DHX34: variants seen among roughly 807,000 people sequenced by gnomAD.
DHX34 encodes probable ATP-dependent RNA helicase DHX34.
In DHX34, 96 loss-of-function variants were observed where a neutral mutation model predicts 111.1. The ratio of observed to expected loss-of-function variants is 0.86; its 90% CI spans 0.73 to 1.02. The LOEUF is 1.02. DHX34 is among the 50% of genes least tolerant of loss of function. The probability of loss-of-function intolerance (pLI) is 0.00; values close to 1 mark genes in which losing one functional copy is unlikely to be tolerated. For synonymous variants in DHX34, 688 were observed against 670.4 expected (o/e 1.03, Z -0.41); for missense variants, 1,560 against 1,579.9 (o/e 0.99, Z 0.21).
At chr19:47,375,326 A>G in intron 9 of DHX34, 140 bp from the exon 10 acceptor site, 2 of 1,406,942 alleles carry the variant, frequency 1.4e-6, no homozygotes, top group Non-Finnish European at 9.2e-7. Flanking sequence ...GCAGCGATCC[A>G]TGCCCAGCAC....
intron 6 of DHX34, among the ~76,000 whole-genome samples, chr19:47,365,913 A>G (rs1337923486): frequency 6.6e-6 from 1 of 152,168 alleles, no homozygotes; most frequent in Non-Finnish European, 1.5e-5. Context: ...AACTGAAACT[A>G]TTGTAGGCAG....
chr19:47,364,928 C>T (rs954935580), intron 6 of DHX34, among the ~76,000 whole-genome samples: 4 of 152,152 alleles, frequency 2.6e-5, no homozygotes, highest in African/African-American at 9.7e-5. Flanking sequence ...CAGTGGGCGT[C>T]ACCTCCTCCT....
At position 47,372,825 on chromosome 19, in the gene DHX34, G is replaced by A. The variant is rs146830596; in HGVS notation, c.1864G>A (p.Ala622Thr). ...CGTCCAGTCGCCCTTCACCCGCAGCGCCCAGAGCAGCCCAGAGTGCGCGGC... is the reference window on the plus strand; with the variant it reads ...CGTCCAGTCGCCCTTCACCCGCAGCACCCAGAGCAGCCCAGAGTGCGCGGC... ...LSVQSPFTRS[A>T]QSSPECAAAR... The change falls in exon 8 of 17, where the codon GCC (alanine) becomes ACC (threonine). Residue 622 changes from alanine (A) to threonine (T), a missense_variant. Transcript: ENST00000328771. The A allele has an allele frequency of 2.2e-5, 36 of 1,612,706 alleles. No individual in the cohort carries two copies. Among genetic ancestry groups the A allele is most frequent in the African/African-American group, 1.6e-4 (12 of 74,932 alleles).
intron 1 of DHX34, among the ~76,000 whole-genome samples, chr19:47,349,962 G>C (rs2341878): frequency 0.11 from 16,150 of 152,096 alleles, 1,274 homozygotes; most frequent in African/African-American, 0.22. Context: ...AGTGGCTCAT[G>C]TAACACTCGG....
chr19:47,377,129 C>G lies in DHX34; in HGVS notation c.2629C>G (p.Gln877Glu). The change falls in exon 13 of 17, where the codon CAG becomes GAG. Residue 877 changes from glutamine (Q) to glutamate (E), a missense_variant. By Grantham distance (29) the Gln-to-Glu change is conservative (BLOSUM62 2). Transcript: ENST00000328771. ...DDKDKMSSKH[Q>E]LLSFVSLLET... ...CAAGGACAAGATGAGCAGCAAACACCAGCTCCTCAGCTTCGTGTCCCTGCT... is the reference window on the plus strand; with the variant it reads ...CAAGGACAAGATGAGCAGCAAACACGAGCTCCTCAGCTTCGTGTCCCTGCT... The G allele has an allele frequency of 1.2e-6, 2 of 1,613,992 alleles. No individual in the cohort carries two copies. The highest frequency in any genetic ancestry group is 1.7e-6 in the Non-Finnish European group (2 of 1,179,988).
intron 6 of DHX34, among the ~76,000 whole-genome samples, chr19:47,364,260 G>A (rs976605648): frequency 2.0e-5 from 3 of 152,136 alleles, no homozygotes; most frequent in Admixed American, 6.6e-5. Context: ...TCGTGGCCAC[G>A]CCCAACCGTG....
At position 47,353,671 on chromosome 19, in the gene DHX34, G is replaced by A. The variant is rs1289741435; in HGVS notation, c.641G>A (p.Arg214Gln). ...CATGTGGCGTGCACCCAGCCCCGGC[G>A]GATCGCCTGCATCTCACTGGCCAAG... ...FSHVACTQPR[R>Q]IACISLAKRV... The change falls in exon 2 of 17, where the codon CGG becomes CAG. Residue 214 changes from arginine (R) to glutamine (Q), a missense_variant. Coordinates refer to ENST00000328771, the MANE Select transcript of DHX34 (RefSeq NM_014681.6). The surrounding 1 kb of genome is among the most constrained non-coding windows in gnomAD (Gnocchi z 4.6). The A allele has an allele frequency of 1.5e-5, 24 of 1,612,216 alleles. No homozygotes were observed. The highest frequency in any genetic ancestry group is 2.0e-5 in the Non-Finnish European group (23 of 1,179,472).
intron 7 of DHX34, among the ~76,000 whole-genome samples, chr19:47,367,655 T>C (rs368990316): frequency 1.3e-4 from 19 of 151,818 alleles, no homozygotes; most frequent in South Asian, 4.1e-4. Flanking sequence ...TTTGGGAGGC[T>C]GAGGCAGGTA....
At chr19:47,351,201 CAG>C (rs1357287539) in intron 1 of DHX34, among the ~76,000 whole-genome samples, 32 of 101,630 alleles carry the variant, frequency 3.1e-4, no homozygotes, top group Middle Eastern at 9.8e-3. Context: ...TTTTTTGAGA[CAG>C]AGTCTCGCTC....
Position 47,371,354 on chromosome 19 carries a change from G to A in DHX34, c.1769-1376G>A, listed in dbSNP as rs1017109764. On this transcript the variant is annotated intron_variant, in intron 7 of 16. Coordinates refer to ENST00000328771, the MANE Select transcript of DHX34 (RefSeq NM_014681.6). ...AGGCACGGATGACCCTGTGCTGGGCGTCCTCTGTGCCAGGTGGAGTTCTGA... is the reference window on the plus strand; with the variant it reads ...AGGCACGGATGACCCTGTGCTGGGCATCCTCTGTGCCAGGTGGAGTTCTGA... 6.6e-5 allele frequency among the ~76,000 whole-genome samples: 10 copies of A among 152,326 alleles called. No homozygotes were observed. The South Asian group carries it at 8.3e-4, about 13-fold the overall frequency.
chr19:47,366,575 C>T (rs1390437271), intron 6 of DHX34, among the ~76,000 whole-genome samples: 3 of 150,190 alleles, frequency 2.0e-5, no homozygotes, highest in Non-Finnish European at 1.5e-5. Flanking sequence ...GCCACTGTGC[C>T]TGGCTGACAC....
Position 47,372,894 on chromosome 19 carries a change from C to CTCTTCAACG in DHX34, c.1943_1951dup (p.Val648_Asn650dup). The CTCTTCAACG allele has an allele frequency of 3.7e-6, 6 of 1,606,430 alleles. No homozygotes were observed. The highest frequency in any genetic ancestry group is 2.2e-5 in the East Asian group (1 of 44,858). ...GAGCGACCAGGGTGACCCCTTCACG[C>CTCTTCAACG]TCTTCAACGTCTTCAACGCCTGGGT... On this transcript the variant is annotated inframe_insertion, in exon 8 of 17. Coordinates refer to ENST00000328771, the MANE Select transcript of DHX34 (RefSeq NM_014681.6).
At position 47,353,022 on chromosome 19, in the gene DHX34, A is replaced by G. The variant is rs758170712; in HGVS notation, c.-9A>G. The G allele has an allele frequency of 1.9e-6, 3 of 1,606,298 alleles. No homozygotes were observed. The highest frequency in any genetic ancestry group is 2.2e-5 in the South Asian group (2 of 90,830). ...ATCAGAACTGAGACTCCTATTGTGG[A>G]TTAGTAACATGCCTCCTCCTAGAAC... On this transcript the variant is annotated 5_prime_UTR_variant, in exon 2 of 17. Transcript: ENST00000328771. The surrounding 1 kb of genome is among the most constrained non-coding windows in gnomAD (Gnocchi z 4.6).
intron 16 of DHX34, 143 bp downstream of exon 16, chr19:47,381,467 G>A: frequency 1.6e-6 from 2 of 1,246,368 alleles, no homozygotes; most frequent in Non-Finnish European, 2.2e-6. Flanking sequence ...GCCACACACA[G>A]GCCTTGTCCT....
chr19:47,354,152 G>T (rs1357710451), intron 2 of DHX34, among the ~76,000 whole-genome samples: 2 of 152,062 alleles, frequency 1.3e-5, no homozygotes, highest in Non-Finnish European at 2.9e-5. Context: ...TAGTAGAGAC[G>T]GGGTTTCACC....
chr19:47,362,510 C>A lies in DHX34; in HGVS notation c.1410C>A (p.Ala470=). 1.2e-6 allele frequency: 2 copies of A among 1,603,994 alleles called. No individual in the cohort carries two copies. The highest frequency in any genetic ancestry group is 1.7e-6 in the Non-Finnish European group (2 of 1,173,842). Residue 470 remains alanine (A), a synonymous_variant, in exon 6 of 17, where the codon GCC becomes GCA. Coordinates refer to ENST00000328771, the MANE Select transcript of DHX34 (RefSeq NM_014681.6). ...AGGAGATGAGCTACGATCCGCAGGC[C>A]AAGCTGCAACGGCTGCAGGAGTTCT... The part of the protein sequence containing the change: ...KVKEMSYDPQ[A]KLQRLQEFWI...
Position 47,373,402 on chromosome 19 carries a change from C to T in DHX34, c.1963-197C>T, listed in dbSNP as rs570311443. 6 of 896,792 alleles carry T rather than the reference C, an allele frequency of 6.7e-6. No homozygotes were observed. In the African/African-American group the frequency reaches 9.0e-5, roughly 14 times the overall value. 55.6% of individuals were successfully genotyped at this position (896,792 alleles called of 1,614,324 possible). A position where few individuals can be genotyped will look rare whatever the true frequency, so the allele number is the denominator to read the frequency against. ...TGGGGAGTCCAGGGGGCTGGGACAA[C>T]CCAGCGGGGCATCTAACCCAGTTTG... On this transcript the variant is annotated intron_variant, in intron 8 of 16. Coordinates refer to ENST00000328771, the MANE Select transcript of DHX34 (RefSeq NM_014681.6).
chr19:47,375,562 C>T lies in DHX34; in HGVS notation c.2161C>T (p.Leu721=), dbSNP rs1310805622. ...GCAGCAGCGCCGGGAGCGCCGGGCC[C>T]TGCACCAGCTGAAACGCCAGCACGA... ...RLQQRRERRA[L]HQLKRQHEEG... is the part of the protein sequence containing the mutation. The change falls in exon 10 of 17, where the codon CTG becomes TTG. Residue 721 remains leucine, a synonymous_variant. Transcript: ENST00000328771. 6.5e-7 allele frequency: 1 copy of T among 1,548,204 alleles called. No homozygotes were observed. The highest frequency in any genetic ancestry group is 1.2e-5 in the South Asian group (1 of 85,022).
At chr19:47,379,607 G>A (rs1374059059) in intron 13 of DHX34, 103 bp from the exon 14 acceptor site, 1 of 1,496,482 alleles carries the variant, frequency 6.7e-7, no homozygotes, top group East Asian at 2.3e-5. Context: ...GCCTCACATA[G>A]ACAGGGCTGG....
Sources: allele counts gnomAD v4.1 joint callset (sites outside exome capture counted in the v4.1 genomes callset), GRCh38; gene constraint gnomAD v4.1.1; non-coding constraint Gnocchi (gnomAD v3.1); transcripts MANE v1.5; gene names NCBI Gene and HGNC (gene_info 2026-07-23, HGNC 2026-07-21).